The following SNX24 variants were observed in gnomAD, a reference collection of about 807,000 sequenced individuals.
The protein encoded by SNX24 is sorting nexin 24.
In SNX24, 22 loss-of-function variants were observed where a neutral mutation model predicts 28.7. That is an observed-to-expected ratio of 0.77 (90% CI 0.55 to 1.10). SNX24 has a LOEUF of 1.10. Among genes scored for constraint, SNX24 ranks in the 50% least tolerant of loss-of-function variants. The pLI is 0.00. For synonymous variants in SNX24, 69 were observed against 71.5 expected (o/e 0.96, Z 0.18); for missense variants, 221 against 201.1 (o/e 1.10, Z -0.60).
At chr5:122,879,437 A>G (rs1367375720) in intron 1 of SNX24, among the ~76,000 whole-genome samples, 17 of 152,184 alleles carry the variant, frequency 1.1e-4, no homozygotes, top group Admixed American at 1.1e-3. Context: ...AGTTCTCTCC[A>G]GGCTCTTGGT....
intron 3 of SNX24, among the ~76,000 whole-genome samples, chr5:122,958,217 AT>A (rs1760300307): frequency 6.6e-6 from 1 of 150,784 alleles, no homozygotes. Flanking sequence ...ATTTTCTTGA[AT>A]TTTTTTGTCA....
intron 1 of SNX24, among the ~76,000 whole-genome samples, chr5:122,863,825 GA>G (rs987395897): frequency 1.1e-4 from 16 of 152,302 alleles, no homozygotes; most frequent in Non-Finnish European, 1.9e-4. Flanking sequence ...AAAGTTTTGG[GA>G]TTACAGGCAT....
chr5:123,021,571 A>ATGTT (rs1414522035), intron 5 of SNX24, among the ~76,000 whole-genome samples: 1 of 152,166 alleles, frequency 6.6e-6, no homozygotes, highest in Non-Finnish European at 1.5e-5. Flanking sequence ...AAAGTTATAA[A>ATGTT]TGTTTGGGTT....
intron 2 of SNX24, among the ~76,000 whole-genome samples, chr5:122,940,909 T>G (rs1466180980): frequency 6.6e-6 from 1 of 152,214 alleles, no homozygotes; most frequent in African/African-American, 2.4e-5. Context: ...GAGTCTTTTC[T>G]GGGTTCTAGA....
chr5:122,863,067 T>C (rs1755550587), intron 1 of SNX24, among the ~76,000 whole-genome samples: 1 of 152,188 alleles, frequency 6.6e-6, no homozygotes, highest in African/African-American at 2.4e-5. Context: ...ATCAAAATTC[T>C]CTACCTTCAA....
chr5:122,928,917 G>A (rs1054849188), intron 1 of SNX24, among the ~76,000 whole-genome samples: 1 of 150,650 alleles, frequency 6.6e-6, no homozygotes. Context: ...CAAAATTATA[G>A]CCGTATACTC....
chr5:123,017,909 A>G (rs1762707359), intron 5 of SNX24, among the ~76,000 whole-genome samples: 1 of 152,160 alleles, frequency 6.6e-6, no homozygotes, highest in Admixed American at 6.5e-5. Flanking sequence ...CTTTATCAGC[A>G]GCATGAAAAG....
At chr5:122,998,131 A>G (rs1762114917) in intron 3 of SNX24, 1 of 152,132 alleles carries the variant, frequency 6.6e-6, no homozygotes, top group African/African-American at 2.4e-5. Flanking sequence ...TAGTAATGAA[A>G]TTATGCCTCT....
At chr5:122,849,083 T>C (rs1754781720) in intron 1 of SNX24, among the ~76,000 whole-genome samples, 1 of 152,194 alleles carries the variant, frequency 6.6e-6, no homozygotes, top group Non-Finnish European at 1.5e-5. Context: ...TGGACATGAT[T>C]TTTTATGCCC....
chr5:122,863,511 G>A (rs1439611313), intron 1 of SNX24, among the ~76,000 whole-genome samples: 1 of 150,984 alleles, frequency 6.6e-6, no homozygotes, highest in Non-Finnish European at 1.5e-5. Context: ...CAATAAGGAC[G>A]TTGGCTTTTC....
chr5:122,848,500 C>T (rs776852850), intron 1 of SNX24, among the ~76,000 whole-genome samples: 124 of 148,590 alleles, frequency 8.3e-4, no homozygotes, highest in Non-Finnish European at 1.4e-3. Flanking sequence ...GGTCAGGAGG[C>T]GAGACCAGCC....
At chr5:122,864,274 G>A (rs530997766) in intron 1 of SNX24, among the ~76,000 whole-genome samples, 1 of 152,290 alleles carries the variant, frequency 6.6e-6, no homozygotes, top group African/African-American at 2.4e-5. Flanking sequence ...ATAGCTCTTG[G>A]TGATTGAGGC....
At chr5:122,983,942 C>T (rs909990566) in intron 3 of SNX24, among the ~76,000 whole-genome samples, 3 of 152,176 alleles carry the variant, frequency 2.0e-5, no homozygotes, top group Non-Finnish European at 2.9e-5. Context: ...TGATAGTCAT[C>T]AGATTACTAA....
At chr5:122,896,486 G>A (rs1258227542) in intron 1 of SNX24, among the ~76,000 whole-genome samples, 1 of 152,192 alleles carries the variant, frequency 6.6e-6, no homozygotes, top group Non-Finnish European at 1.5e-5. Context: ...TGCCTTTGGT[G>A]GCAGCCACCA....
intron 1 of SNX24, among the ~76,000 whole-genome samples, chr5:122,911,858 T>G (rs1469543573): frequency 6.9e-6 from 1 of 145,832 alleles, no homozygotes; most frequent in Non-Finnish European, 1.5e-5. Flanking sequence ...TACCATGCTG[T>G]TTTGCTTACT....
At chr5:123,027,129 G>C (rs543991828) in intron 5 of SNX24, among the ~76,000 whole-genome samples, 1 of 152,230 alleles carries the variant, frequency 6.6e-6, no homozygotes, top group East Asian at 1.9e-4. Context: ...GGGAGGCAGA[G>C]GTTGTAGTGA....
chr5:122,857,295 AG>A (rs1210886085), intron 1 of SNX24, among the ~76,000 whole-genome samples: 2 of 152,090 alleles, frequency 1.3e-5, no homozygotes, highest in African/African-American at 4.8e-5. Flanking sequence ...TACAGGCAGG[AG>A]CCACCGTGCC....
chr5:122,986,570 T>C (rs442427), intron 3 of SNX24, among the ~76,000 whole-genome samples: 33,892 of 151,894 alleles, frequency 0.22, 4,814 homozygotes, highest in Non-Finnish European at 0.33. Flanking sequence ...ATTTAGCAAC[T>C]CAAAAGCAAC....
chr5:123,012,111 G>T (rs1762592712), downstream of SNX24, among the ~76,000 whole-genome samples: 1 of 152,248 alleles, frequency 6.6e-6, no homozygotes, highest in East Asian at 1.9e-4. Flanking sequence ...GAAGAAGGAT[G>T]TGTTTGCTTC....
Sources: gnomAD v4.1 joint callset for allele counts (sites outside exome capture counted in the v4.1 genomes callset) on GRCh38, gnomAD v4.1.1 for gene constraint, MANE v1.5 for transcripts, NCBI Gene and HGNC (gene_info 2026-07-23, HGNC 2026-07-21) for gene names.